SRGAP2: variants seen among roughly 807,000 people sequenced by gnomAD.
The protein encoded by SRGAP2 is SLIT-ROBO Rho GTPase activating protein 2.
SRGAP2 carries 15 observed loss-of-function variants against 57.2 expected under a neutral mutation model. That is an observed-to-expected ratio of 0.26 (90% CI 0.18 to 0.40). The LOEUF is 0.40. Among genes scored for constraint, SRGAP2 ranks in the 10% least tolerant of loss-of-function variants. The pLI, the probability that SRGAP2 is intolerant of heterozygous loss-of-function variation, is 1.00. For synonymous variants in SRGAP2, 249 were observed against 248.0 expected (o/e 1.00, Z -0.04); for missense variants, 520 against 669.6 (o/e 0.78, Z 2.47).
chr1:206,214,728 G>A (rs1447801487), intron 2 of SRGAP2: 1 of 149,848 alleles, frequency 6.7e-6, no homozygotes, highest in East Asian at 1.9e-4. Flanking sequence ...GGAGTTGGAG[G>A]TTGCTGTGAG....
At chr1:206,446,878 C>T (rs1323114502) in intron 18 of SRGAP2, among the ~76,000 whole-genome samples, 1 of 152,204 alleles carries the variant, frequency 6.6e-6, no homozygotes, top group Non-Finnish European at 1.5e-5. Context: ...TTTCCATGAC[C>T]TAGCTTCGGA....
chr1:206,386,753 C>T (rs1378634815), intron 5 of SRGAP2, among the ~76,000 whole-genome samples: 12 of 139,762 alleles, frequency 8.6e-5, no homozygotes, highest in South Asian at 2.3e-4. Flanking sequence ...GAGCCGAGAT[C>T]GTGCCACTGC....
intron 2 of SRGAP2, among the ~76,000 whole-genome samples, chr1:206,278,026 T>C (rs1204502365): frequency 6.6e-6 from 1 of 152,080 alleles, no homozygotes; most frequent in East Asian, 1.9e-4. Flanking sequence ...TTTTTTCTTT[T>C]AGCCACTACC....
chr1:206,417,126 T>A (rs1424508968), intron 11 of SRGAP2, among the ~76,000 whole-genome samples: 2 of 147,688 alleles, frequency 1.4e-5, no homozygotes. Context: ...TTTTTTGAGA[T>A]GGAGTCTTGC....
chr1:206,238,978 G>A (rs569033528), intron 2 of SRGAP2, among the ~76,000 whole-genome samples: 242 of 152,074 alleles, frequency 1.6e-3, no homozygotes, highest in Middle Eastern at 3.4e-3. Context: ...GCAGAGGGTG[G>A]AAGGGCTCCA....
At chr1:206,253,034 T>C (rs555941168) in intron 2 of SRGAP2, among the ~76,000 whole-genome samples, 3,297 of 143,112 alleles carry the variant, frequency 0.023, 138 homozygotes, top group African/African-American at 0.085. Context: ...GGCAGTGGTG[T>C]GTCAGGATGC....
At chr1:206,275,880 G>T (rs1367533268) in intron 2 of SRGAP2, among the ~76,000 whole-genome samples, 6 of 152,092 alleles carry the variant, frequency 3.9e-5, no homozygotes, top group African/African-American at 1.4e-4. Flanking sequence ...CTCCCAAAGT[G>T]CTGGGATTAC....
intron 13 of SRGAP2, among the ~76,000 whole-genome samples, chr1:206,429,074 G>C (rs1232061586): frequency 2.0e-5 from 3 of 152,264 alleles, no homozygotes; most frequent in East Asian, 1.9e-4. Context: ...ATAAATGGTA[G>C]GCACTAATGT....
chr1:206,399,007 T>C (rs1657888306), intron 7 of SRGAP2, among the ~76,000 whole-genome samples: 1 of 152,160 alleles, frequency 6.6e-6, no homozygotes. Context: ...TGGTACCAAA[T>C]ATCTGTAAAT....
chr1:206,384,649 G>C (rs1329116416), intron 5 of SRGAP2, among the ~76,000 whole-genome samples: 1 of 151,888 alleles, frequency 6.6e-6, no homozygotes, highest in Non-Finnish European at 1.5e-5. Flanking sequence ...TGCGGGCTTG[G>C]AGAAGAGAAC....
rs1397841655 is a variant in SRGAP2, at chr1:206,208,544, T to C, written c.67+2507T>C. ...ATTGAGTGCTTGCTGTGTGTTCTGG[T>C]GATTGGCCATACAGCTGTGAAGAAG... is the stretch of plus-strand genomic sequence containing the variant. On this transcript the variant is annotated intron_variant, in intron 2 of 22. Coordinates refer to ENST00000573034, the MANE Select transcript of SRGAP2 (RefSeq NM_015326.5). 4.5e-3 allele frequency among the ~76,000 whole-genome samples: 682 copies of C among 151,730 alleles called. 1 individual carries two copies. Among genetic ancestry groups the C allele is most frequent in the Middle Eastern group, 0.021 (6 of 286 alleles).
chr1:206,458,534 G>T, intron 21 of SRGAP2, 89 bp from the exon 22 acceptor site: 2 of 687,560 alleles, frequency 2.9e-6, no homozygotes, highest in Non-Finnish European at 5.4e-6. Flanking sequence ...GAAGTCCCTG[G>T]GTGCCAACAT....
At chr1:206,307,621 T>C (rs1247455819) in intron 3 of SRGAP2, among the ~76,000 whole-genome samples, 4 of 152,300 alleles carry the variant, frequency 2.6e-5, no homozygotes, top group Non-Finnish European at 4.4e-5. Flanking sequence ...TAAGGCCCAG[T>C]GAGAAATCGA....
chr1:206,455,323 T>G, intron 21 of SRGAP2: 1 of 412,946 alleles, frequency 2.4e-6, no homozygotes, highest in South Asian at 2.6e-5. Context: ...CAGCTAAAAC[T>G]TTGACCAAAG....
intron 2 of SRGAP2, among the ~76,000 whole-genome samples, chr1:206,272,943 T>G (rs1333603839): frequency 1.3e-5 from 2 of 152,108 alleles, no homozygotes; most frequent in East Asian, 3.8e-4. Context: ...TAAAATAACA[T>G]TTCCTGCTTT....
At chr1:206,295,423 C>A (rs1214757044) in intron 2 of SRGAP2, among the ~76,000 whole-genome samples, 2 of 151,784 alleles carry the variant, frequency 1.3e-5, no homozygotes, top group Non-Finnish European at 2.9e-5. Flanking sequence ...TGGGGTTTTA[C>A]CATGTTGGCC....
chr1:206,239,583 G>T (rs1340579138), intron 2 of SRGAP2, among the ~76,000 whole-genome samples: 3 of 151,022 alleles, frequency 2.0e-5, no homozygotes, highest in Non-Finnish European at 4.4e-5. Context: ...TCAGCCTCCC[G>T]AGTAGCTGGG....
At chr1:206,375,490 G>C (rs1655115259) in intron 4 of SRGAP2, among the ~76,000 whole-genome samples, 1 of 152,164 alleles carries the variant, frequency 6.6e-6, no homozygotes, top group Admixed American at 6.5e-5. Context: ...CCAAGACAAA[G>C]ATCACAGTGG....
At chr1:206,207,574 C>G (rs1328456834) in intron 2 of SRGAP2, 2 of 151,034 alleles carry the variant, frequency 1.3e-5, no homozygotes, top group African/African-American at 4.9e-5. Context: ...TGTCCAGATG[C>G]ATTGCATTTG....
Sources: allele counts gnomAD v4.1 joint callset (sites outside exome capture counted in the v4.1 genomes callset), GRCh38; gene constraint gnomAD v4.1.1; transcripts MANE v1.5; gene names NCBI Gene and HGNC (gene_info 2026-07-23, HGNC 2026-07-21).